CAMKMT: variants seen among roughly 807,000 people sequenced by gnomAD.
CAMKMT encodes the protein CaM KMT.
In CAMKMT, 53 loss-of-function variants were observed where a neutral mutation model predicts 48.0. The observed-to-expected ratio is 1.10, with a 90% confidence interval of 0.89 to 1.39. CAMKMT has a LOEUF of 1.39. CAMKMT is among the 40% of genes most tolerant of loss of function. CAMKMT has a pLI of 0.00. For synonymous variants in CAMKMT, 165 were observed against 152.3 expected, an observed-to-expected ratio of 1.08 and a Z score of -0.61; for missense variants, 428 against 402.7, an observed-to-expected ratio of 1.06 and a Z score of -0.54.
At chr2:44,416,300 C>T (rs1159879393) in intron 3 of CAMKMT, among the ~76,000 whole-genome samples, 1 of 152,112 alleles carries the variant, frequency 6.6e-6, no homozygotes, top group East Asian at 1.9e-4. Flanking sequence ...AAAATATCAG[C>T]TTTAATGAGA....
rs565134212 is a variant in CAMKMT, at chr2:44,485,481, C to T, written c.376+95176C>T. On this transcript the variant is annotated intron_variant, in intron 3 of 10. Transcript: ENST00000378494. The stretch of plus-strand genomic sequence containing the variant: ...ACAGTCATGCATCACTTAACAATGG[C>T]GATACGTTCTGAGAAATGTGTCCTT... Among the ~76,000 whole-genome samples the T allele has an allele frequency of 4.6e-5, 7 of 152,236 alleles. No individual in the cohort carries two copies. The East Asian group carries it at 7.7e-4, about 17-fold the overall frequency.
chr2:44,575,250 TG>T (rs1203086760), intron 3 of CAMKMT, among the ~76,000 whole-genome samples: 1 of 151,980 alleles, frequency 6.6e-6, no homozygotes, highest in African/African-American at 2.4e-5. Context: ...GGCTAATTTT[TG>T]TATTTTTAGT....
Position 44,361,971 on chromosome 2 carries a change from G to A in CAMKMT, c.-37G>A, listed in dbSNP as rs1677888236. The A allele has an allele frequency of 1.5e-6, 2 of 1,362,454 alleles. No individual in the cohort carries two copies. The highest frequency in any genetic ancestry group is 1.9e-6 in the Non-Finnish European group (2 of 1,061,836). 84.4% of individuals were successfully genotyped at this position (1,362,454 alleles called of 1,614,324 possible). On this transcript the variant is annotated 5_prime_UTR_variant, in exon 1 of 11. Coordinates refer to ENST00000378494, the MANE Select transcript of CAMKMT (RefSeq NM_024766.5). ...CAGGTCCTGGCAGGGGACGAGCTGC[G>A]GCGGTGGCACCTCCGGGTGTGGAAG... is the stretch of plus-strand genomic sequence containing the variant.
intron 3 of CAMKMT, among the ~76,000 whole-genome samples, chr2:44,407,264 A>G (rs960178093): frequency 1.3e-5 from 2 of 152,088 alleles, no homozygotes; most frequent in Admixed American, 6.5e-5. Flanking sequence ...GCACCCCTGT[A>G]TGACAGATCT....
At chr2:44,594,587 G>C (rs1485888812) in intron 3 of CAMKMT, among the ~76,000 whole-genome samples, 1 of 152,174 alleles carries the variant, frequency 6.6e-6, no homozygotes, top group Non-Finnish European at 1.5e-5. Flanking sequence ...AATAAATGGT[G>C]CTGGGAAAAC....
At chr2:44,693,970 A>G (rs1036240444) in intron 3 of CAMKMT, among the ~76,000 whole-genome samples, 1 of 152,154 alleles carries the variant, frequency 6.6e-6, no homozygotes, top group African/African-American at 2.4e-5. Flanking sequence ...GCTTCGATGG[A>G]CATCAGCTGA....
intron 3 of CAMKMT, among the ~76,000 whole-genome samples, chr2:44,404,914 G>A (rs1039645934): frequency 6.6e-6 from 1 of 152,052 alleles, no homozygotes; most frequent in Non-Finnish European, 1.5e-5. Context: ...GAATATAAAT[G>A]CTGGTGGTTA....
chr2:44,379,446 T>C (rs533003931), intron 2 of CAMKMT, among the ~76,000 whole-genome samples: 4 of 152,306 alleles, frequency 2.6e-5, no homozygotes, highest in Admixed American at 2.6e-4. Context: ...AATTGCTGGG[T>C]CATGTGGTAT....
intron 5 of CAMKMT, 23 bp from the exon 6 acceptor site, chr2:44,707,376 C>T (rs746603604): frequency 6.2e-7 from 1 of 1,609,558 alleles, no homozygotes; most frequent in Non-Finnish European, 8.5e-7. Flanking sequence ...TCATTGTTTG[C>T]TGTGCTCCCT....
At chr2:44,577,979 A>G (rs1374128077) in intron 3 of CAMKMT, among the ~76,000 whole-genome samples, 1 of 152,184 alleles carries the variant, frequency 6.6e-6, no homozygotes, top group Admixed American at 6.5e-5. Flanking sequence ...GTATAAAAGC[A>G]TCTTGCTTTG....
intron 3 of CAMKMT, among the ~76,000 whole-genome samples, chr2:44,464,690 A>G (rs1668020417): frequency 6.6e-6 from 1 of 152,198 alleles, no homozygotes; most frequent in Non-Finnish European, 1.5e-5. Flanking sequence ...AAAGTGCTGA[A>G]AGAAAAAAAA....
intron 3 of CAMKMT, among the ~76,000 whole-genome samples, chr2:44,620,382 C>A (rs1366247687): frequency 6.6e-6 from 1 of 152,068 alleles, no homozygotes; most frequent in Non-Finnish European, 1.5e-5. Flanking sequence ...CTCTTTTATG[C>A]TTACTCATCC....
chr2:44,474,031 A>C (rs1668555996), intron 3 of CAMKMT, among the ~76,000 whole-genome samples: 1 of 152,236 alleles, frequency 6.6e-6, no homozygotes, highest in Admixed American at 6.5e-5. Context: ...AAGGCAAAGG[A>C]GAAGGAATAT....
At position 44,606,486 on chromosome 2, in the gene CAMKMT, G is replaced by A. The variant is rs149495352; in HGVS notation, c.377-97797G>A. Among the ~76,000 whole-genome samples the A allele has an allele frequency of 9.2e-5, 14 of 152,284 alleles. No individual in the cohort carries two copies. In the East Asian group the frequency reaches 2.7e-3, roughly 29 times the overall value. On this transcript the variant is annotated intron_variant, in intron 3 of 10. Transcript: ENST00000378494. The stretch of plus-strand genomic sequence containing the variant: ...ACACCAGATCCACAGACTGGTACTA[G>A]CCTATGACAAGGAGTCTGTGACAGC...
At chr2:44,412,241 A>G (rs1367336890) in intron 3 of CAMKMT, among the ~76,000 whole-genome samples, 1 of 152,178 alleles carries the variant, frequency 6.6e-6, no homozygotes, top group Non-Finnish European at 1.5e-5. Context: ...CTACTCCCGT[A>G]CATACAATGG....
At chr2:44,481,387 T>C (rs1668956779) in intron 3 of CAMKMT, among the ~76,000 whole-genome samples, 1 of 152,042 alleles carries the variant, frequency 6.6e-6, no homozygotes, top group Non-Finnish European at 1.5e-5. Context: ...GCTAGCTGAA[T>C]AGGAAAAAAT....
intron 7 of CAMKMT, among the ~76,000 whole-genome samples, chr2:44,724,736 G>T (rs1265256085): frequency 2.6e-5 from 4 of 152,132 alleles, no homozygotes; most frequent in African/African-American, 9.7e-5. Flanking sequence ...CAGTGGAAAG[G>T]GGAAAGTTGT....
intron 3 of CAMKMT, among the ~76,000 whole-genome samples, chr2:44,467,588 A>T (rs1460593525): frequency 6.6e-6 from 1 of 151,898 alleles, no homozygotes; most frequent in African/African-American, 2.4e-5. Context: ...ACAAAAACTC[A>T]CCACCACCAC....
chr2:44,442,881 T>C (rs1328686270), intron 3 of CAMKMT, among the ~76,000 whole-genome samples: 1 of 152,222 alleles, frequency 6.6e-6, no homozygotes, highest in African/African-American at 2.4e-5. Flanking sequence ...TCTTAATAGG[T>C]GCTCAATAAA....
Sources: allele counts gnomAD v4.1 joint callset (sites outside exome capture counted in the v4.1 genomes callset), GRCh38; gene constraint gnomAD v4.1.1; transcripts MANE v1.5; gene names NCBI Gene and HGNC (gene_info 2026-07-23, HGNC 2026-07-21).